SLC22A8: variants seen among roughly 807,000 people sequenced by gnomAD.
The protein encoded by SLC22A8 is solute carrier family 22 member 8.
SLC22A8 carries 40 observed loss-of-function variants against 48.4 expected under a neutral mutation model. That is an observed-to-expected ratio of 0.83 (90% confidence interval 0.64 to 1.08). The LOEUF is 1.08. Among genes scored for constraint, SLC22A8 ranks in the 50% least tolerant of loss-of-function variants. The pLI is 0.00. For synonymous variants in SLC22A8, 268 were observed against 286.3 expected (o/e 0.94, Z 0.65); for missense variants, 606 against 699.0 (o/e 0.87, Z 1.50).
Position 63,014,860 on chromosome 11 carries a change from G to A in SLC22A8, c.99C>T (p.Asn33=), listed in dbSNP as rs1201840259. ...ILGLPILNMA[N]HNLLQIFTAA... The stretch of plus-strand genomic sequence containing the variant: ...CTGTGAAGATCTGCAGCAGGTTGTG[G>A]TTGGCCATGTTGAGGATCGGGAGGC... The change falls in exon 2 of 11, where the codon AAC becomes AAT. Residue 33 remains asparagine (N), a synonymous_variant. Coordinates refer to ENST00000336232, the MANE Select transcript of SLC22A8 (RefSeq NM_004254.4). 2.9e-5 allele frequency: 46 copies of A among 1,611,346 alleles called. No homozygotes were observed. Among genetic ancestry groups the A allele is most frequent in the African/African-American group, 4.0e-5 (3 of 74,898 alleles).
chr11:63,004,915 A>G (rs1013855498), intron 2 of SLC22A8, among the ~76,000 whole-genome samples: 5 of 152,204 alleles, frequency 3.3e-5, no homozygotes, highest in African/African-American at 1.2e-4. Context: ...TCCAAATGCT[A>G]TGTGCCTCAT....
At position 62,994,487 on chromosome 11, in the gene SLC22A8, G is replaced by T; in HGVS notation, c.1216+55C>A. 24 of 1,388,400 alleles carry T rather than the reference G, an allele frequency of 1.7e-5. No homozygotes were observed. In the South Asian group the frequency reaches 3.0e-4, roughly 17 times the overall value. 86.0% of individuals were successfully genotyped at this position (1,388,400 alleles called of 1,614,324 possible). ...GGCAGAGCCAGCAGTGAAGTCCCTGGCACCCAACCTGGCAGCCTCTTCCAG... is the reference window on the plus strand; with the variant it reads ...GGCAGAGCCAGCAGTGAAGTCCCTGTCACCCAACCTGGCAGCCTCTTCCAG... On this transcript the variant is annotated intron_variant, in intron 8 of 10. Transcript: ENST00000336232.
chr11:63,003,733 C>T (rs145276641), intron 2 of SLC22A8, among the ~76,000 whole-genome samples: 48 of 152,196 alleles, frequency 3.2e-4, no homozygotes, highest in Non-Finnish European at 5.6e-4. Flanking sequence ...TTACTTCCAC[C>T]TCATTTGCTT....
chr11:63,003,914 G>A (rs2086526244), intron 2 of SLC22A8, among the ~76,000 whole-genome samples: 1 of 152,144 alleles, frequency 6.6e-6, no homozygotes, highest in Non-Finnish European at 1.5e-5. Flanking sequence ...ACTGTTACAT[G>A]AGAAAGAGAA....
At chr11:63,010,197 G>A (rs2086601994) in intron 2 of SLC22A8, among the ~76,000 whole-genome samples, 2 of 152,146 alleles carry the variant, frequency 1.3e-5, no homozygotes, top group African/African-American at 4.8e-5. Flanking sequence ...TGCTTTCTTA[G>A]CCCTTTTTAC....
rs767795188 is a variant in SLC22A8 at position 62,998,980 on chromosome 11, C to T, written c.702G>A (p.Gln234=). 6.2e-7 allele frequency: 1 copy of T among 1,613,994 alleles called. No individual in the cohort carries two copies. The highest frequency in any genetic ancestry group is 2.2e-5 in the East Asian group (1 of 44,890). Residue 234 remains glutamine, a synonymous_variant, in exon 5 of 11, where the codon CAG becomes CAA. Coordinates refer to ENST00000336232, the MANE Select transcript of SLC22A8 (RefSeq NM_004254.4). ...ACACAGTTAACTGCAGCCAACGCCA[C>T]TGGGGGATGGCGTAGGCCAGGCCGG... is the stretch of plus-strand genomic sequence containing the variant. ...ILPGLAYAIP[Q]WRWLQLTVSI...
rs553606169 is a variant in SLC22A8, at chr11:63,008,782, C to G, written c.333+5844G>C. 5.6e-4 allele frequency among the ~76,000 whole-genome samples: 86 copies of G among 152,286 alleles called. 1 individual carries two copies. The South Asian group carries it at 0.018, about 31-fold the overall frequency. Reference sequence around the variant, plus strand: ...CTGTAGTCAGGACCTCCCAACACCCCCCGTCTTCTGTAAAAGCTTGACCCA... The same window carrying G: ...CTGTAGTCAGGACCTCCCAACACCCGCCGTCTTCTGTAAAAGCTTGACCCA... On this transcript the variant is annotated intron_variant, in intron 2 of 10. Transcript: ENST00000336232.
intron 5 of SLC22A8, among the ~76,000 whole-genome samples, chr11:62,997,872 T>C (rs2086441897): frequency 1.3e-5 from 2 of 152,294 alleles, no homozygotes; most frequent in South Asian, 2.1e-4. Flanking sequence ...GCTGTGCACA[T>C]AGCAGATGCT....
At chr11:62,997,372 G>A (rs1383718677) in intron 5 of SLC22A8, among the ~76,000 whole-genome samples, 1 of 152,120 alleles carries the variant, frequency 6.6e-6, no homozygotes, top group African/African-American at 2.4e-5. Flanking sequence ...TTACAGGCAC[G>A]CATCACCACA....
rs1478453489 is a variant in SLC22A8 at position 62,996,119 on chromosome 11, C to T, written c.795G>A (p.Leu265=). 1 of 1,612,376 alleles carries T rather than the reference C, an allele frequency of 6.2e-7. No individual in the cohort carries two copies. Among genetic ancestry groups the T allele is most frequent in the African/African-American group, 1.3e-5 (1 of 74,898 alleles). ...TCAGGGCCTTCGAGGACTTTCCAGA[C>T]AAGACCAACCAGCGTATGGACTCTG... ...WTPESIRWLV[L]SGKSSKALKI... Residue 265 remains leucine (L), a synonymous_variant, in exon 6 of 11, where the codon TTG becomes TTA. Coordinates refer to ENST00000336232, the MANE Select transcript of SLC22A8 (RefSeq NM_004254.4).
intron 5 of SLC22A8, 52 bp downstream of exon 5, chr11:62,998,869 G>C (rs1276434745): frequency 1.3e-6 from 2 of 1,532,068 alleles, no homozygotes; most frequent in Non-Finnish European, 1.8e-6. Flanking sequence ...GGGCTCCCCT[G>C]TTTGGCCCTG....
intron 2 of SLC22A8, among the ~76,000 whole-genome samples, chr11:63,013,260 G>T (rs1182912243): frequency 2.0e-5 from 3 of 152,106 alleles, no homozygotes; most frequent in Non-Finnish European, 2.9e-5. Flanking sequence ...TTCAAATCCT[G>T]CCTCTGCCAG....
intron 5 of SLC22A8, 119 bp from the exon 6 acceptor site, chr11:62,996,271 A>C: frequency 2.6e-3 from 2,469 of 938,600 alleles, no homozygotes; most frequent in Non-Finnish European, 3.6e-3. Context: ...GAGCTATCTC[A>C]CTGCAGATTT....
rs539346133 is a variant in SLC22A8 at position 63,002,084 on chromosome 11, A to T, written c.334-1261T>A. On this transcript the variant is annotated intron_variant, in intron 2 of 10. Transcript: ENST00000336232. The stretch of plus-strand genomic sequence containing the variant: ...CATGACCACACCTGGCTAATTTTGG[A>T]TTTTGTATATAGACAGGAGCTCACT... Among the ~76,000 whole-genome samples the T allele has an allele frequency of 5.3e-5, 8 of 152,074 alleles. No homozygotes were observed. In the South Asian group the frequency reaches 1.7e-3, roughly 32 times the overall value.
chr11:63,006,757 G>A (rs907148709), intron 2 of SLC22A8, among the ~76,000 whole-genome samples: 10 of 149,946 alleles, frequency 6.7e-5, no homozygotes, highest in African/African-American at 1.2e-4. Context: ...ATAGGCATGC[G>A]CCACCATGCC....
chr11:63,012,378 C>T (rs2086629406), intron 2 of SLC22A8, among the ~76,000 whole-genome samples: 1 of 152,176 alleles, frequency 6.6e-6, no homozygotes, highest in African/African-American at 2.4e-5. Context: ...CTAACTCTCA[C>T]CTCCCAAAGT....
Position 62,999,833 on chromosome 11 carries a change from G to A in SLC22A8, c.447C>T (p.Arg149=). The change falls in exon 4 of 11, where the codon CGC becomes CGT. Residue 149 remains arginine, a synonymous_variant. Transcript: ENST00000336232. ...VLGDLSDRFG[R]RPILTCSYLL... is the part of the protein sequence containing the mutation. ...GGTAGCTGCAGGTCAGGATGGGCCTGCGGCCAAACCTGTAGCTCGAAGGAG... is the reference window on the plus strand; with the variant it reads ...GGTAGCTGCAGGTCAGGATGGGCCTACGGCCAAACCTGTAGCTCGAAGGAG... 1 of 1,564,972 alleles carries A rather than the reference G, an allele frequency of 6.4e-7. No individual in the cohort carries two copies. Among genetic ancestry groups the A allele is most frequent in the Non-Finnish European group, 8.7e-7 (1 of 1,154,408 alleles).
chr11:63,014,698 G>A lies in SLC22A8; in HGVS notation c.261C>T (p.Asp87=). 6.2e-7 allele frequency: 1 copy of A among 1,614,026 alleles called. No individual in the cohort carries two copies. The highest frequency in any genetic ancestry group is 8.5e-7 in the Non-Finnish European group (1 of 1,179,916). The change falls in exon 2 of 11, where the codon GAC becomes GAT. Residue 87 remains aspartate, a synonymous_variant. Transcript: ENST00000336232. Reference sequence around the variant, plus strand: ...GGCATGGCTCCATGGCCCTCTGGGTGTCATTGGGCAGGCTGGCATTGGGCG... The same window carrying A: ...GGCATGGCTCCATGGCCCTCTGGGTATCATTGGGCAGGCTGGCATTGGGCG... ...VHPPNASLPN[D]TQRAMEPCLD...
In SLC22A8 at chr11:62,999,007, C is replaced by A. The variant is rs770582644; in HGVS notation, c.675G>T (p.Leu225=). The change falls in exon 5 of 11, where the codon CTG becomes CTT. Residue 225 remains leucine, a synonymous_variant. Transcript: ENST00000336232. Reference sequence around the variant, plus strand: ...GGGGGATGGCGTAGGCCAGGCCGGGCAGAATGAACTGGCCAAAGGTGTAGC... The same window carrying A: ...GGGGGATGGCGTAGGCCAGGCCGGGAAGAATGAACTGGCCAAAGGTGTAGC... The part of the protein sequence containing the change: ...GYCYTFGQFI[L]PGLAYAIPQW... The A allele has an allele frequency of 1.2e-6, 2 of 1,614,182 alleles. No homozygotes were observed. Among genetic ancestry groups the A allele is most frequent in the East Asian group, 2.2e-5 (1 of 44,890 alleles).
Sources: gnomAD v4.1 joint callset for allele counts (sites outside exome capture counted in the v4.1 genomes callset) on GRCh38, gnomAD v4.1.1 for gene constraint, MANE v1.5 for transcripts, NCBI Gene and HGNC (gene_info 2026-07-23, HGNC 2026-07-21) for gene names.